The following DNMT3A variants were observed in gnomAD, a reference collection of about 807,000 sequenced individuals.
DNMT3A encodes DNA methyltransferase 3 alpha.
In DNMT3A, 267 loss-of-function variants were observed where a neutral mutation model predicts 117.6. The observed-to-expected ratio is 2.27, with a 90% confidence interval of 2.05 to 2.51. The LOEUF (loss-of-function observed/expected upper bound fraction) is 2.51, where lower values mean the gene tolerates loss of function less well. DNMT3A is among the 30% of genes most tolerant of loss of function. The pLI is 0.00. For synonymous variants in DNMT3A, 432 were observed against 474.8 expected, an observed-to-expected ratio of 0.91 and a Z score of 1.17; for missense variants, 1,029 against 1,260.2, an observed-to-expected ratio of 0.82 and a Z score of 2.78.
upstream of DNMT3A, chr2:25,342,437 T>G (rs572470749): frequency 6.6e-6 from 1 of 152,252 alleles, no homozygotes; most frequent in East Asian, 1.9e-4. The surrounding 1 kb of genome is among the most constrained non-coding windows in gnomAD (Gnocchi z 5.9). Flanking sequence ...TACCTGGCGC[T>G]GCTTCTGCGC....
chr2:25,258,302 C>T lies in DNMT3A; in HGVS notation c.640-10050G>A, dbSNP rs554774354. Among the ~76,000 whole-genome samples, 3 of 152,348 alleles carry T rather than the reference C, an allele frequency of 2.0e-5. No individual in the cohort carries two copies. The East Asian group carries it at 5.8e-4, about 29-fold the overall frequency. On this transcript the variant is annotated intron_variant, in intron 6 of 22. Coordinates refer to ENST00000321117, the MANE Select transcript of DNMT3A (RefSeq NM_022552.5). ...CCTCGGCCCTGCCCCAGAACCTCCT[C>T]CCTGAGTCTGGGGAGAGGAGCGGCA...
intron 16 of DNMT3A, among the ~76,000 whole-genome samples, chr2:25,243,638 C>T (rs1054168603): frequency 3.9e-5 from 6 of 152,354 alleles, no homozygotes; most frequent in Admixed American, 6.5e-5. Context: ...GATCACTCGG[C>T]CTCTGTGGCT....
In DNMT3A at chr2:25,233,362, G is replaced by A. The variant is rs372931913; in HGVS notation, c.*917C>T. ...CTCCATCCTTGGTGAAACCCTTTGC[G>A]CAGAAGGCAACGTGGAAGCTGATGT... On this transcript the variant is annotated 3_prime_UTR_variant, in exon 23 of 23. Coordinates refer to ENST00000321117, the MANE Select transcript of DNMT3A (RefSeq NM_022552.5). 6 of 233,514 alleles carry A rather than the reference G, an allele frequency of 2.6e-5. No homozygotes were observed. Among genetic ancestry groups the A allele is most frequent in the East Asian group, 6.0e-5 (1 of 16,724 alleles). 14.5% of individuals were successfully genotyped at this position (233,514 alleles called of 1,614,324 possible).
intron 3 of DNMT3A, among the ~76,000 whole-genome samples, chr2:25,290,428 C>A (rs2032664175): frequency 6.6e-6 from 1 of 150,806 alleles, no homozygotes; most frequent in Non-Finnish European, 1.5e-5. Flanking sequence ...TCAAGCGATT[C>A]TCCTGCCTCA....
intron 6 of DNMT3A, among the ~76,000 whole-genome samples, chr2:25,274,002 G>T (rs984428558): frequency 2.6e-5 from 4 of 152,146 alleles, no homozygotes; most frequent in Non-Finnish European, 4.4e-5. Context: ...AAGTTCCCAT[G>T]GATTTAAATG....
chr2:25,341,811 A>G lies in DNMT3A; in HGVS notation c.-178+15T>C, dbSNP rs2035472532. On this transcript the variant is annotated intron_variant, in intron 1 of 22. Coordinates refer to ENST00000321117, the MANE Select transcript of DNMT3A (RefSeq NM_022552.5). ...CGGGCCGGCCTTCCGGGCCGCCAGC[A>G]GCGGCGCTCATTACCGTATGGCCGG... is the stretch of plus-strand genomic sequence containing the variant. The G allele has an allele frequency of 1.0e-6, 1 of 976,178 alleles. No homozygotes were observed. The allele number at this position is 976,178 out of a possible 1,614,324, so 60.5% of individuals were successfully genotyped here.
rs1358053591 is a variant in DNMT3A, at chr2:25,229,191, G to C, written c.*5088C>G. On this transcript the variant is annotated 3_prime_UTR_variant, in exon 23 of 23. Transcript: ENST00000321117. ...GACCCTGGCCTGCCTTTACCAAAAC[G>C]TAAAGATTCCAGAGCTCACACTACA... 1 of 152,316 alleles carries C rather than the reference G, an allele frequency of 6.6e-6. No homozygotes were observed. Among genetic ancestry groups the C allele is most frequent in the Admixed American group, 6.5e-5 (1 of 15,284 alleles). The allele number at this position is 152,316 out of a possible 1,614,324, so 9.4% of individuals were successfully genotyped here. A position where few individuals can be genotyped will look rare whatever the true frequency, so the allele number is the denominator to read the frequency against.
At position 25,264,741 on chromosome 2, in the gene DNMT3A, C is replaced by T. The variant is rs1228065418; in HGVS notation, c.639+10200G>A. Among the ~76,000 whole-genome samples, 11 of 152,256 alleles carry T rather than the reference C, an allele frequency of 7.2e-5. No individual in the cohort carries two copies. The South Asian group carries it at 8.3e-4, about 11-fold the overall frequency. ...CCTCCCAAAGTGCTGGGATTACAGGCGTGAGCCACCACCCCCGGCCAAAAA... is the reference window on the plus strand; with the variant it reads ...CCTCCCAAAGTGCTGGGATTACAGGTGTGAGCCACCACCCCCGGCCAAAAA... On this transcript the variant is annotated intron_variant, in intron 6 of 22. Coordinates refer to ENST00000321117, the MANE Select transcript of DNMT3A (RefSeq NM_022552.5).
Position 25,239,128 on chromosome 2 carries a change from A to G in DNMT3A, c.2408+2T>C, listed in dbSNP as rs1673685725. On this transcript the variant is annotated splice_donor_variant, in intron 20 of 22. Coordinates refer to ENST00000321117, the MANE Select transcript of DNMT3A (RefSeq NM_022552.5). LOFTEE classifies it high-confidence loss of function. ...CCCCCAGGCCCAGGAGCTTTCACCA[A>G]CCTGTTCATACCGGGAAGGTTACCC... The G allele has an allele frequency of 1.9e-6, 3 of 1,613,482 alleles. No homozygotes were observed. Among genetic ancestry groups the G allele is most frequent in the East Asian group, 2.2e-5 (1 of 44,872 alleles).
At position 25,245,311 on chromosome 2, in the gene DNMT3A, CTCCCACA is replaced by C; in HGVS notation, c.1489_1495del (p.Cys497AlafsTer152). ...GGGGTGTTCCAGGGTAACATTGAGG[CTCCCACA>C]GGAGATGCAGATGTCTGGAAAGCAG... On this transcript the variant is annotated frameshift_variant, in exon 13 of 23. Transcript: ENST00000321117. LOFTEE classifies it high-confidence loss of function. 1 of 1,613,948 alleles carries C rather than the reference CTCCCACA, an allele frequency of 6.2e-7. No individual in the cohort carries two copies. The highest frequency in any genetic ancestry group is 8.5e-7 in the Non-Finnish European group (1 of 1,179,988).
chr2:25,322,874 C>G (rs1233783522), intron 1 of DNMT3A, among the ~76,000 whole-genome samples: 1 of 152,132 alleles, frequency 6.6e-6, no homozygotes, highest in African/African-American at 2.4e-5. Flanking sequence ...TATTCTCACC[C>G]TAAGGGCCCC....
intron 4 of DNMT3A, among the ~76,000 whole-genome samples, chr2:25,280,616 C>T (rs2031822611): frequency 6.6e-6 from 1 of 152,212 alleles, no homozygotes; most frequent in Admixed American, 6.5e-5. Flanking sequence ...CGCTTATCTC[C>T]ATGTGTAATC....
At chr2:25,268,955 G>T (rs1018006981) in intron 6 of DNMT3A, among the ~76,000 whole-genome samples, 1 of 152,216 alleles carries the variant, frequency 6.6e-6, no homozygotes, top group African/African-American at 2.4e-5. Flanking sequence ...CCAGACAGAG[G>T]AAGATGTGAT....
chr2:25,233,373 CG>C lies in DNMT3A; in HGVS notation c.*905del. 4.3e-6 allele frequency: 1 copy of C among 233,686 alleles called. No individual in the cohort carries two copies. The highest frequency in any genetic ancestry group is 8.5e-6 in the Non-Finnish European group (1 of 118,032). 14.5% of individuals were successfully genotyped at this position (233,686 alleles called of 1,614,324 possible). On this transcript the variant is annotated 3_prime_UTR_variant, in exon 23 of 23. Coordinates refer to ENST00000321117, the MANE Select transcript of DNMT3A (RefSeq NM_022552.5). ...GTGAAACCCTTTGCGCAGAAGGCAA[CG>C]TGGAAGCTGATGTTTTTACTCATCT...
At chr2:25,264,005 T>C (rs1174804233) in intron 6 of DNMT3A, among the ~76,000 whole-genome samples, 1 of 152,192 alleles carries the variant, frequency 6.6e-6, no homozygotes. Flanking sequence ...GAATTCTGAC[T>C]TGCCTTTAAA....
Position 25,234,802 on chromosome 2 carries a change from C to T in DNMT3A, c.2598-382G>A, listed in dbSNP as rs978642808. Reference sequence around the variant, plus strand: ...TGCAGGGTTAGCTCGGCAACGTACACCTGGAGTCTGCATGTAACGAACACG... The same window carrying T: ...TGCAGGGTTAGCTCGGCAACGTACATCTGGAGTCTGCATGTAACGAACACG... On this transcript the variant is annotated intron_variant, in intron 22 of 22. Transcript: ENST00000321117. The surrounding 1 kb of genome is among the most constrained non-coding windows in gnomAD (Gnocchi z 4.5). Among the ~76,000 whole-genome samples the T allele has an allele frequency of 1.3e-5, 2 of 152,188 alleles. No individual in the cohort carries two copies. Among genetic ancestry groups the T allele is most frequent in the African/African-American group, 4.8e-5 (2 of 41,444 alleles).
At chr2:25,238,473 A>G (rs1377131272) in intron 20 of DNMT3A, among the ~76,000 whole-genome samples, 1 of 152,240 alleles carries the variant, frequency 6.6e-6, no homozygotes, top group Non-Finnish European at 1.5e-5. Flanking sequence ...CACAATGGAC[A>G]GGGACTGAGC....
rs533473757 is a variant in DNMT3A at position 25,243,407 on chromosome 2, ATT to A, written c.1936+489_1936+490del. Among the ~76,000 whole-genome samples the A allele has an allele frequency of 1.1e-3, 167 of 152,358 alleles. 1 individual carries two copies. Among genetic ancestry groups the A allele is most frequent in the African/African-American group, 4.0e-3 (166 of 41,584 alleles). On this transcript the variant is annotated intron_variant, in intron 16 of 22. Transcript: ENST00000321117. ...ACCGTGTGCATTCACTACCCACTTA[ATT>A]TATCTATCTATGGATGTATGGTTAT...
chr2:25,237,085 TC>T lies in DNMT3A; in HGVS notation c.2409-81del. 1.4e-6 allele frequency: 2 copies of T among 1,402,052 alleles called. No individual in the cohort carries two copies. The highest frequency in any genetic ancestry group is 9.9e-7 in the Non-Finnish European group (1 of 1,011,768). 86.9% of individuals were successfully genotyped at this position (1,402,052 alleles called of 1,614,324 possible). On this transcript the variant is annotated intron_variant, in intron 20 of 22. Transcript: ENST00000321117. The surrounding 1 kb of genome is among the most constrained non-coding windows in gnomAD (Gnocchi z 5.4). ...GCCCCAGCTGCACGACTCCCCTCCC[TC>T]CCCCAGCAGCCACTAGTTCACAGGG...
Sources: gnomAD v4.1 joint callset for allele counts (sites outside exome capture counted in the v4.1 genomes callset) on GRCh38, gnomAD v4.1.1 for gene constraint, Gnocchi (gnomAD v3.1) non-coding constraint, MANE v1.5 for transcripts, NCBI Gene and HGNC (gene_info 2026-07-23, HGNC 2026-07-21) for gene names.